The following AGBL4 variants were observed in gnomAD, a reference collection of about 807,000 sequenced individuals.
The protein encoded by AGBL4 is AGBL carboxypeptidase 4.
In AGBL4, 58 loss-of-function variants were observed where a neutral mutation model predicts 66.4. That is an observed-to-expected ratio of 0.87 (90% CI 0.71 to 1.09). AGBL4 has a LOEUF of 1.09. Ranked by LOEUF, AGBL4 falls within the 50% of genes least tolerant of loss-of-function variation. The pLI is 0.00. For synonymous variants in AGBL4, 234 were observed against 222.9 expected, an observed-to-expected ratio of 1.05 and a Z score of -0.44; for missense variants, 579 against 631.0, an observed-to-expected ratio of 0.92 and a Z score of 0.88.
chr1:48,645,040 G>T (rs976599008), intron 8 of AGBL4, among the ~76,000 whole-genome samples: 1 of 152,184 alleles, frequency 6.6e-6, no homozygotes, highest in African/African-American at 2.4e-5. Flanking sequence ...TCAGCTGCTT[G>T]CAGGGACAGA....
chr1:49,692,553 C>T (rs1271779687), intron 3 of AGBL4, among the ~76,000 whole-genome samples: 1 of 151,994 alleles, frequency 6.6e-6, no homozygotes, highest in Non-Finnish European at 1.5e-5. Flanking sequence ...CCCGACTCTA[C>T]TAAAAATACA....
chr1:49,459,928 T>C lies in AGBL4; in HGVS notation c.283-214064A>G, dbSNP rs111930467. Among the ~76,000 whole-genome samples the C allele has an allele frequency of 3.9e-3, 587 of 151,646 alleles. 6 individuals carry two copies. Among genetic ancestry groups the C allele is most frequent in the Non-Finnish European group, 6.4e-3 (431 of 67,638 alleles). ...GATTTTATGGTTGACTCAATGATCA[T>C]GCAGGAACAGGTTACTTATCCAATT... On this transcript the variant is annotated intron_variant, in intron 3 of 13. Coordinates refer to ENST00000371839, the MANE Select transcript of AGBL4 (RefSeq NM_032785.4).
At chr1:49,420,974 A>G (rs866818214) in intron 3 of AGBL4, among the ~76,000 whole-genome samples, 23 of 152,308 alleles carry the variant, frequency 1.5e-4, no homozygotes, top group Middle Eastern at 3.4e-3. Flanking sequence ...GTACAGAGCA[A>G]TGCTAGAACA....
At chr1:49,484,172 T>C (rs1229628534) in intron 3 of AGBL4, among the ~76,000 whole-genome samples, 1 of 151,912 alleles carries the variant, frequency 6.6e-6, no homozygotes, top group Non-Finnish European at 1.5e-5. Flanking sequence ...GTACAACCAC[T>C]GAGAAAAAAC....
At chr1:49,001,761 G>A (rs1321986055) in intron 5 of AGBL4, among the ~76,000 whole-genome samples, 1 of 152,062 alleles carries the variant, frequency 6.6e-6, no homozygotes, top group Non-Finnish European at 1.5e-5. Flanking sequence ...ATTTAAGTGT[G>A]ACCATATCAC....
rs1644143776 is a variant in AGBL4, at chr1:49,275,212, C to G, written c.283-29348G>C. On this transcript the variant is annotated intron_variant, in intron 3 of 13. Coordinates refer to ENST00000371839, the MANE Select transcript of AGBL4 (RefSeq NM_032785.4). The stretch of plus-strand genomic sequence containing the variant: ...AACTTCACAGAGCTAATAAAAAGCT[C>G]TTGAAAAAGAGTGGCCTGATGTCTT... Among the ~76,000 whole-genome samples the G allele has an allele frequency of 2.6e-5, 4 of 152,164 alleles. 1 individual carries two copies. In the South Asian group the frequency reaches 8.3e-4, roughly 32 times the overall value.
intron 3 of AGBL4, among the ~76,000 whole-genome samples, chr1:49,565,038 A>G (rs890415641): frequency 6.6e-6 from 1 of 152,198 alleles, no homozygotes; most frequent in African/African-American, 2.4e-5. Flanking sequence ...TTCTTGTTGA[A>G]TTGATCCCTT....
intron 3 of AGBL4, among the ~76,000 whole-genome samples, chr1:49,469,296 T>A (rs1570793332): frequency 6.6e-6 from 1 of 151,946 alleles, no homozygotes; most frequent in South Asian, 2.1e-4. Flanking sequence ...TTAAATTTTT[T>A]AAAATTATTT....
In AGBL4 at chr1:49,739,114, A is replaced by T. The variant is rs141740410; in HGVS notation, c.158-41677T>A. Among the ~76,000 whole-genome samples the T allele has an allele frequency of 6.7e-3, 1,026 of 152,312 alleles. 8 individuals are homozygous for T. The highest frequency in any genetic ancestry group is 0.029 in the South Asian group (141 of 4,828). On this transcript the variant is annotated intron_variant, in intron 2 of 13. Transcript: ENST00000371839. Reference sequence around the variant, plus strand: ...AGACGATCAAACTACTCTGAGCTAAAGGAGGAAGTTCAAACCCATGGCAAA... The same window carrying T: ...AGACGATCAAACTACTCTGAGCTAATGGAGGAAGTTCAAACCCATGGCAAA...
chr1:49,435,889 CTCTATCTTG>C (rs1322450453), intron 3 of AGBL4, among the ~76,000 whole-genome samples: 1 of 152,154 alleles, frequency 6.6e-6, no homozygotes, highest in East Asian at 1.9e-4. Flanking sequence ...GAGATGTGAA[CTCTATCTTG>C]TCTATCTCCA....
At chr1:49,796,488 C>A (rs945492741) in intron 2 of AGBL4, among the ~76,000 whole-genome samples, 4 of 151,132 alleles carry the variant, frequency 2.6e-5, no homozygotes, top group Non-Finnish European at 5.9e-5. Flanking sequence ...TATTCTGTTA[C>A]AAAGACTATT....
chr1:48,961,439 C>G (rs1414703630), intron 5 of AGBL4, among the ~76,000 whole-genome samples: 1 of 152,060 alleles, frequency 6.6e-6, no homozygotes, highest in Non-Finnish European at 1.5e-5. Flanking sequence ...CAAAGAAGAC[C>G]AAGAAGTAGA....
chr1:49,197,015 G>T (rs137969241), intron 4 of AGBL4, among the ~76,000 whole-genome samples: 1,585 of 152,064 alleles, frequency 0.01, 12 homozygotes, highest in South Asian at 0.015. Flanking sequence ...TTTTAGTAGA[G>T]ATGGGGTTTT....
At chr1:48,913,989 A>C (rs901234450) in intron 5 of AGBL4, among the ~76,000 whole-genome samples, 14 of 152,328 alleles carry the variant, frequency 9.2e-5, no homozygotes, top group Non-Finnish European at 1.5e-4. Flanking sequence ...GAGATATCAC[A>C]GTGGAGATAT....
At chr1:49,044,024 C>T (rs920305377) in intron 5 of AGBL4, among the ~76,000 whole-genome samples, 2 of 152,190 alleles carry the variant, frequency 1.3e-5, no homozygotes, top group Non-Finnish European at 2.9e-5. Flanking sequence ...TAGAGCCTGT[C>T]CAATAAGCCT....
At chr1:49,460,674 G>T (rs1240271179) in intron 3 of AGBL4, among the ~76,000 whole-genome samples, 1 of 151,400 alleles carries the variant, frequency 6.6e-6, no homozygotes, top group Non-Finnish European at 1.5e-5. Context: ...TCTTTTCATT[G>T]TGTTATTATT....
Position 49,637,356 on chromosome 1 carries a change from A to G in AGBL4, c.282+59957T>C, listed in dbSNP as rs376238462. 3.2e-4 allele frequency among the ~76,000 whole-genome samples: 49 copies of G among 152,086 alleles called. 1 individual carries two copies. The South Asian group carries it at 9.5e-3, about 30-fold the overall frequency. The stretch of plus-strand genomic sequence containing the variant: ...TGCTCTGTCACCCAGGCTGGAGTGC[A>G]GTGGGATGATCTCGGCTCGCTGCAA... On this transcript the variant is annotated intron_variant, in intron 3 of 13. Coordinates refer to ENST00000371839, the MANE Select transcript of AGBL4 (RefSeq NM_032785.4).
chr1:49,420,222 G>C lies in AGBL4; in HGVS notation c.283-174358C>G, dbSNP rs192246605. Among the ~76,000 whole-genome samples the C allele has an allele frequency of 2.6e-5, 4 of 152,224 alleles. No homozygotes were observed. The East Asian group carries it at 7.7e-4, about 29-fold the overall frequency. The stretch of plus-strand genomic sequence containing the variant: ...TGAAACAGGCTGATAAAGATGAAAA[G>C]GCATGACATGTGAAGTCAGATATAC... On this transcript the variant is annotated intron_variant, in intron 3 of 13. Coordinates refer to ENST00000371839, the MANE Select transcript of AGBL4 (RefSeq NM_032785.4).
At chr1:49,936,357 C>G (rs1654016466) in intron 1 of AGBL4, among the ~76,000 whole-genome samples, 1 of 152,174 alleles carries the variant, frequency 6.6e-6, no homozygotes, top group African/African-American at 2.4e-5. Flanking sequence ...AAATCTGCGT[C>G]TGATTGGGGT....
Sources: allele counts gnomAD v4.1 joint callset (sites outside exome capture counted in the v4.1 genomes callset), GRCh38; gene constraint gnomAD v4.1.1; transcripts MANE v1.5; gene names NCBI Gene and HGNC (gene_info 2026-07-23, HGNC 2026-07-21).